Variants in PCDH7 observed in about 807,000 individuals in gnomAD.
The protein encoded by PCDH7 is protocadherin 7, also known as protocadherin-7.
In PCDH7, 17 loss-of-function variants were observed where a neutral mutation model predicts 58.9. That is an observed-to-expected ratio of 0.29 (90% confidence interval 0.20 to 0.43). The LOEUF (loss-of-function observed/expected upper bound fraction) is 0.43, where lower values mean the gene tolerates loss of function less well. Among genes scored for constraint, PCDH7 ranks in the 20% least tolerant of loss-of-function variants. The pLI is 1.00. For synonymous variants in PCDH7, 664 were observed against 616.4 expected (o/e 1.08, Z -1.14); for missense variants, 1,274 against 1,441.0 (o/e 0.88, Z 1.88).
intron 3 of PCDH7, among the ~76,000 whole-genome samples, chr4:31,038,340 A>G (rs1349276637): frequency 2.0e-5 from 3 of 151,986 alleles, no homozygotes; most frequent in African/African-American, 7.2e-5. Context: ...ATTATTATTT[A>G]CATTACCCAT....
At chr4:31,125,378 C>CT (rs1718177103) in intron 3 of PCDH7, among the ~76,000 whole-genome samples, 1 of 152,208 alleles carries the variant, frequency 6.6e-6, no homozygotes, top group Non-Finnish European at 1.5e-5. Flanking sequence ...CTATATCTGA[C>CT]ATCCAGAGAT....
chr4:30,853,755 T>C (rs1197014400), intron 1 of PCDH7, among the ~76,000 whole-genome samples: 1 of 152,066 alleles, frequency 6.6e-6, no homozygotes, highest in East Asian at 1.9e-4. Context: ...AGCATCCCTT[T>C]TTTTTCTGCT....
At chr4:30,836,448 T>G (rs1323142240) in intron 1 of PCDH7, among the ~76,000 whole-genome samples, 1 of 152,144 alleles carries the variant, frequency 6.6e-6, no homozygotes, top group East Asian at 1.9e-4. Flanking sequence ...TAGTTTAAAA[T>G]AAAGCAGTGT....
At chr4:30,761,282 G>A (rs1437208207) in intron 1 of PCDH7, among the ~76,000 whole-genome samples, 1 of 152,166 alleles carries the variant, frequency 6.6e-6, no homozygotes, top group African/African-American at 2.4e-5. Context: ...TCATGGGCCA[G>A]GAGCTTTCAC....
At chr4:30,923,501 C>T (rs1320295666) in intron 2 of PCDH7, among the ~76,000 whole-genome samples, 1 of 152,098 alleles carries the variant, frequency 6.6e-6, no homozygotes, top group East Asian at 1.9e-4. Context: ...TTCTAAAACA[C>T]ATTACCGCCA....
chr4:30,859,300 G>A (rs542202635), intron 1 of PCDH7, among the ~76,000 whole-genome samples: 1 of 152,206 alleles, frequency 6.6e-6, no homozygotes, highest in East Asian at 1.9e-4. Context: ...ATAATTAGGA[G>A]AGCACACTGA....
intron 1 of PCDH7, among the ~76,000 whole-genome samples, chr4:30,814,621 AC>A (rs1727439779): frequency 6.6e-6 from 1 of 151,842 alleles, no homozygotes; most frequent in African/African-American, 2.4e-5. Flanking sequence ...ATCTCTGTTG[AC>A]TTTTATTCAC....
At position 30,846,430 on chromosome 4, in the gene PCDH7, C is replaced by T. The variant is rs1469491849; in HGVS notation, c.71-73723C>T. On this transcript the variant is annotated intron_variant, in intron 1 of 3. Transcript: ENST00000509759. The stretch of plus-strand genomic sequence containing the variant: ...TTCATGGGAAGACACAGCAAGAAGG[C>T]CCGCACCAGATGCTGGCAACTTGAT... Among the ~76,000 whole-genome samples the T allele has an allele frequency of 2.0e-5, 3 of 152,194 alleles. No individual in the cohort carries two copies. In the East Asian group the frequency reaches 5.8e-4, roughly 29 times the overall value.
intron 3 of PCDH7, among the ~76,000 whole-genome samples, chr4:31,095,908 AG>A (rs1316969494): frequency 1.3e-5 from 2 of 152,172 alleles, no homozygotes. Context: ...TCTTACAAAA[AG>A]TTTAAGCAGG....
At chr4:30,920,709 C>G (rs532610045) in intron 2 of PCDH7, among the ~76,000 whole-genome samples, 2 of 152,248 alleles carry the variant, frequency 1.3e-5, no homozygotes, top group South Asian at 4.1e-4. Context: ...TTCTTCTATT[C>G]ATTTTTGTCA....
In PCDH7 at chr4:30,722,542, G is replaced by A; in HGVS notation, c.1120G>A (p.Asp374Asn). ...CTGGCTCAGCGTCCTGCACCGGATC[G>A]ACCGCGAGGAGGTGAACCAGCTGCG... Residue 374 changes from aspartate (D) to asparagine (N), a missense_variant, in exon 1 of 2, where the codon GAC becomes AAC. Physicochemically the swap from Asp to Asn is conservative, Grantham distance 23. Transcript: ENST00000361762. This position sits in a 1 kb window ranked among gnomAD's most constrained non-coding sequence, Gnocchi z 7.6. The A allele has an allele frequency of 6.2e-7, 1 of 1,612,242 alleles. No individual in the cohort carries two copies. Among genetic ancestry groups the A allele is most frequent in the Admixed American group, 1.7e-5 (1 of 59,968 alleles).
chr4:31,107,835 G>T (rs1715774553), intron 3 of PCDH7, among the ~76,000 whole-genome samples: 1 of 151,846 alleles, frequency 6.6e-6, no homozygotes, highest in Non-Finnish European at 1.5e-5. Context: ...CCTTAAAATG[G>T]GTATGAAATT....
chr4:30,771,714 C>T (rs866231070), intron 1 of PCDH7, among the ~76,000 whole-genome samples: 4 of 151,794 alleles, frequency 2.6e-5, no homozygotes, highest in African/African-American at 4.8e-5. Context: ...TTGCAGACAC[C>T]GGGAATCATA....
At chr4:30,835,182 C>T (rs1284356670) in intron 1 of PCDH7, among the ~76,000 whole-genome samples, 1 of 151,898 alleles carries the variant, frequency 6.6e-6, no homozygotes, top group Non-Finnish European at 1.5e-5. Context: ...AAGTCATTCC[C>T]GGGAGCGCAG....
intron 2 of PCDH7, among the ~76,000 whole-genome samples, chr4:30,947,136 A>G (rs1310884255): frequency 6.6e-6 from 1 of 152,090 alleles, no homozygotes; most frequent in African/African-American, 2.4e-5. Context: ...GCCTTGTGTT[A>G]TCAGCCTCTT....
chr4:30,989,214 A>G (rs1751246851), intron 3 of PCDH7, among the ~76,000 whole-genome samples: 1 of 152,120 alleles, frequency 6.6e-6, no homozygotes, highest in East Asian at 1.9e-4. Context: ...GAGATTTCTC[A>G]TGATCTGTCA....
intron 3 of PCDH7, among the ~76,000 whole-genome samples, chr4:31,053,732 A>G (rs1465207484): frequency 6.6e-6 from 1 of 152,120 alleles, no homozygotes; most frequent in South Asian, 2.1e-4. Context: ...ATTGTCCCAC[A>G]TCCTTTTATG....
Position 30,853,858 on chromosome 4 carries a change from C to G in PCDH7, c.71-66295C>G, listed in dbSNP as rs185821894. Among the ~76,000 whole-genome samples, 7 of 152,064 alleles carry G rather than the reference C, an allele frequency of 4.6e-5. No homozygotes were observed. In the East Asian group the frequency reaches 7.8e-4, roughly 17 times the overall value. ...TTGTGTACTCCAAAGTCTATTTTCC[C>G]TCTGAGTAGATATGGAAGAATGAGC... On this transcript the variant is annotated intron_variant, in intron 1 of 3. Transcript: ENST00000509759.
chr4:30,915,800 G>A (rs907901745), intron 1 of PCDH7, among the ~76,000 whole-genome samples: 3 of 152,132 alleles, frequency 2.0e-5, no homozygotes, highest in Non-Finnish European at 4.4e-5. Flanking sequence ...TGGGATTACA[G>A]GTGTGAGCCA....
Sources: gnomAD v4.1 joint callset for allele counts (sites outside exome capture counted in the v4.1 genomes callset) on GRCh38, gnomAD v4.1.1 for gene constraint, Gnocchi (gnomAD v3.1) non-coding constraint, MANE v1.5 for transcripts, NCBI Gene and HGNC (gene_info 2026-07-23, HGNC 2026-07-21) for gene names.